The following MAGI2 variants were observed in gnomAD, a reference collection of about 807,000 sequenced individuals.
The protein encoded by MAGI2 is membrane-associated guanylate kinase, WW and PDZ domain-containing protein 2.
Under a neutral mutation model 133.3 loss-of-function variants are expected in MAGI2, and 35 were observed. The ratio of observed to expected loss-of-function variants is 0.26; its 90% CI spans 0.20 to 0.35. The LOEUF (loss-of-function observed/expected upper bound fraction) is 0.35. Among genes scored for constraint, MAGI2 ranks in the 10% least tolerant of loss-of-function variants. The pLI, the probability that MAGI2 is intolerant of heterozygous loss-of-function variation, is 1.00. For missense variants in MAGI2, 1,636 were observed against 1,863.4 expected, an observed-to-expected ratio of 0.88 and a Z score of 2.25; for synonymous variants, 729 against 710.6, an observed-to-expected ratio of 1.03 and a Z score of -0.41.
At chr7:79,381,827 C>A (rs749491789) in intron 1 of MAGI2, among the ~76,000 whole-genome samples, 5 of 151,712 alleles carry the variant, frequency 3.3e-5, no homozygotes, top group Non-Finnish European at 5.9e-5. Context: ...AAATATTTCC[C>A]TTGCAAATAT....
intron 6 of MAGI2, among the ~76,000 whole-genome samples, chr7:78,420,433 G>C (rs1392452415): frequency 6.6e-6 from 1 of 152,106 alleles, no homozygotes; most frequent in Non-Finnish European, 1.5e-5. Context: ...TAAAGTTTAA[G>C]AATATACCCA....
intron 5 of MAGI2, among the ~76,000 whole-genome samples, chr7:78,493,000 T>C (rs1051655203): frequency 3.3e-5 from 5 of 152,180 alleles, no homozygotes; most frequent in Non-Finnish European, 7.4e-5. Flanking sequence ...AGCCAGTGGA[T>C]ATTTAAGTTC....
chr7:78,843,917 T>G (rs1407880374), intron 2 of MAGI2, among the ~76,000 whole-genome samples: 1 of 149,950 alleles, frequency 6.7e-6, no homozygotes, highest in East Asian at 2.0e-4. Context: ...GCAGCTTTCC[T>G]TACAATTCAT....
chr7:79,394,760 T>C (rs2190175), intron 1 of MAGI2, among the ~76,000 whole-genome samples: 37,494 of 152,138 alleles, frequency 0.25, 5,990 homozygotes, highest in African/African-American at 0.44. Flanking sequence ...AATGACATTA[T>C]TTGTTTTAAT....
rs181574434 is a variant in MAGI2 at position 78,493,407 on chromosome 7, C to T, written c.966-3567G>A. On this transcript the variant is annotated intron_variant, in intron 5 of 21. Transcript: ENST00000354212. ...ATTCTCACTATCCCGTGTCATTTCT[C>T]GATTGTCTACTGTGTCAGGGAAAGC... Among the ~76,000 whole-genome samples the T allele has an allele frequency of 3.3e-4, 50 of 152,282 alleles. No individual in the cohort carries two copies. In the East Asian group the frequency reaches 9.1e-3, roughly 28 times the overall value.
chr7:79,358,026 G>A (rs1842139882), intron 1 of MAGI2, among the ~76,000 whole-genome samples: 1 of 151,870 alleles, frequency 6.6e-6, no homozygotes, highest in African/African-American at 2.4e-5. Flanking sequence ...GGTGAGCCTT[G>A]AAACCCTATT....
chr7:78,599,993 T>C (rs1397132785), intron 3 of MAGI2, among the ~76,000 whole-genome samples: 2 of 152,194 alleles, frequency 1.3e-5, no homozygotes, highest in East Asian at 3.9e-4. Context: ...TTAAGCAGAA[T>C]GCTTATACAC....
At chr7:79,253,051 G>A (rs1287455977) in intron 1 of MAGI2, among the ~76,000 whole-genome samples, 1 of 152,120 alleles carries the variant, frequency 6.6e-6, no homozygotes, top group East Asian at 1.9e-4. Context: ...AGTTCTTTAT[G>A]ATAGAATATA....
chr7:79,058,606 G>C (rs75719822), intron 1 of MAGI2, among the ~76,000 whole-genome samples: 1 of 152,020 alleles, frequency 6.6e-6, no homozygotes, highest in Non-Finnish European at 1.5e-5. Flanking sequence ...TTATAGTTTT[G>C]TTATTACAAG....
chr7:79,060,117 A>G (rs1293628859), intron 1 of MAGI2, among the ~76,000 whole-genome samples: 1 of 152,024 alleles, frequency 6.6e-6, no homozygotes, highest in Non-Finnish European at 1.5e-5. Context: ...ATTAATGATG[A>G]CCCCTATGAA....
Position 78,891,213 on chromosome 7 carries a change from C to T in MAGI2, c.418+115877G>A, listed in dbSNP as rs564336794. Among the ~76,000 whole-genome samples, 572 of 152,216 alleles carry T rather than the reference C, an allele frequency of 3.8e-3. 4 individuals are homozygous for T. The highest frequency in any genetic ancestry group is 0.013 in the African/African-American group (548 of 41,536). ...AATTTCTGAATAGACCAATAACAGG[C>T]TCTGAAATTGAGGCAATAATTAATA... On this transcript the variant is annotated intron_variant, in intron 2 of 21. Coordinates refer to ENST00000354212, the MANE Select transcript of MAGI2 (RefSeq NM_012301.4).
intron 2 of MAGI2, among the ~76,000 whole-genome samples, chr7:78,752,408 C>T (rs931854720): frequency 2.6e-5 from 4 of 151,958 alleles, no homozygotes; most frequent in African/African-American, 9.7e-5. Context: ...TTCGAGACCA[C>T]CCTGACCAAC....
In MAGI2 at chr7:78,019,880, G is replaced by T; in HGVS notation, c.3803C>A (p.Ser1268Ter). 1 of 1,613,068 alleles carries T rather than the reference G, an allele frequency of 6.2e-7. No individual in the cohort carries two copies. The highest frequency in any genetic ancestry group is 1.3e-5 in the African/African-American group (1 of 75,012). Reference protein sequence around the residue: ...LDDGLAPFSPSHPAPPSDPSH... With the variant: ...LDDGLAPFSP ...AGGGTCGGAGGGTGGGGCTGGATGT[G>T]ATGGAGAGAATGGAGCGAGGCCGTC... The change falls in exon 22 of 22, where the codon TCA (serine) becomes TAA (stop). Residue 1268 changes from serine (S) to a stop codon, truncating the protein, a stop_gained. Transcript: ENST00000354212. LOFTEE classifies it high-confidence loss of function.
chr7:78,739,958 A>G (rs968840486), intron 2 of MAGI2, among the ~76,000 whole-genome samples: 1 of 152,108 alleles, frequency 6.6e-6, no homozygotes, highest in African/African-American at 2.4e-5. Flanking sequence ...GGAGATCAAG[A>G]CCATCCTGGC....
In MAGI2 at chr7:78,597,422, A is replaced by G. The variant is rs143929545; in HGVS notation, c.538+29698T>C. On this transcript the variant is annotated intron_variant, in intron 3 of 21. Transcript: ENST00000354212. The stretch of plus-strand genomic sequence containing the variant: ...ATTTTAGATTTGGATCCCAATGCCC[A>G]CTTAATCCAGACTAACTTGAAATAC... 7.7e-3 allele frequency among the ~76,000 whole-genome samples: 1,165 copies of G among 151,818 alleles called. 18 individuals carry two copies. The highest frequency in any genetic ancestry group is 0.026 in the African/African-American group (1,088 of 41,396).
intron 2 of MAGI2, among the ~76,000 whole-genome samples, chr7:78,986,921 C>T (rs1240270326): frequency 2.6e-5 from 4 of 151,952 alleles, no homozygotes; most frequent in African/African-American, 7.2e-5. Flanking sequence ...AGAACATACT[C>T]ACCTGTGAGT....
At chr7:79,452,885 C>T in intron 1 of MAGI2, 135 bp downstream of exon 1, 2 of 939,584 alleles carry the variant, frequency 2.1e-6, no homozygotes, top group South Asian at 3.5e-5. Flanking sequence ...CTCACTTGCA[C>T]TGCGGGTGCT....
intron 2 of MAGI2, among the ~76,000 whole-genome samples, chr7:78,773,121 C>A (rs887947961): frequency 6.6e-5 from 10 of 152,188 alleles, no homozygotes; most frequent in Admixed American, 6.5e-4. Flanking sequence ...TGAGCTTTAA[C>A]CCTAACACTA....
In MAGI2 at chr7:79,049,598, T is replaced by C. The variant is rs547202240; in HGVS notation, c.302-42392A>G. Among the ~76,000 whole-genome samples, 21 of 152,156 alleles carry C rather than the reference T, an allele frequency of 1.4e-4. No homozygotes were observed. The South Asian group carries it at 4.1e-3, about 30-fold the overall frequency. ...GTATCTATTTAATAATTAATTTAGA[T>C]TTTTTCTTTATATAATTAATTAATT... On this transcript the variant is annotated intron_variant, in intron 1 of 21. Transcript: ENST00000354212.
Sources: allele counts gnomAD v4.1 joint callset (sites outside exome capture counted in the v4.1 genomes callset), GRCh38; gene constraint gnomAD v4.1.1; transcripts MANE v1.5; gene names NCBI Gene and HGNC (gene_info 2026-07-23, HGNC 2026-07-21).